Variants in PTPRK observed in about 807,000 individuals in gnomAD.
The protein encoded by PTPRK is protein tyrosine phosphatase receptor type K.
Under a neutral mutation model 178.0 loss-of-function variants are expected in PTPRK, and 75 were observed. The observed-to-expected ratio is 0.42, with a 90% CI of 0.35 to 0.51. The LOEUF (loss-of-function observed/expected upper bound fraction) is 0.51, where lower values mean the gene tolerates loss of function less well. Among genes scored for constraint, PTPRK ranks in the 20% least tolerant of loss-of-function variants. The pLI is 0.02. For missense variants in PTPRK, 1,441 were observed against 1,797.8 expected (o/e 0.80, Z 3.59); for synonymous variants, 637 against 620.6 (o/e 1.03, Z -0.39).
Position 128,067,645 on chromosome 6 carries a change from T to C in PTPRK, c.2031A>G (p.Gly677=). The change falls in exon 12 of 30, where the codon GGA becomes GGG. Residue 677 remains glycine (G), a synonymous_variant. Coordinates refer to ENST00000368226, the MANE Select transcript of PTPRK (RefSeq NM_002844.4). ...TGAACGGGGCAGGCTCAGGTAGGTT[T>C]CCCGGGGGGAGTTCTGCAGCAAAGT... ...PYYFAAELPP[G]NLPEPAPFTV... 6.2e-7 allele frequency: 1 copy of C among 1,613,746 alleles called. No individual in the cohort carries two copies. The highest frequency in any genetic ancestry group is 8.5e-7 in the Non-Finnish European group (1 of 1,179,770).
intron 13 of PTPRK, among the ~76,000 whole-genome samples, chr6:128,038,981 G>T (rs1013264392): frequency 1.3e-5 from 2 of 152,236 alleles, no homozygotes; most frequent in Non-Finnish European, 1.5e-5. Flanking sequence ...TAGTGATAAG[G>T]ATATGGAGAA....
At chr6:128,487,829 C>A (rs571237482) in intron 1 of PTPRK, among the ~76,000 whole-genome samples, 3 of 152,102 alleles carry the variant, frequency 2.0e-5, no homozygotes, top group Non-Finnish European at 2.9e-5. Context: ...GTAATAGGAG[C>A]GGTCAGATGA....
intron 3 of PTPRK, among the ~76,000 whole-genome samples, chr6:128,295,914 G>A (rs916616727): frequency 3.9e-5 from 6 of 152,040 alleles, no homozygotes; most frequent in Admixed American, 3.9e-4. Flanking sequence ...TGTTGAAAAG[G>A]CTAAAAAAGA....
intron 1 of PTPRK, among the ~76,000 whole-genome samples, chr6:128,509,603 C>T (rs1370722354): frequency 1.3e-5 from 2 of 152,066 alleles, no homozygotes; most frequent in Non-Finnish European, 2.9e-5. Context: ...ACTACTTTCA[C>T]ATATATTATT....
intron 5 of PTPRK, among the ~76,000 whole-genome samples, chr6:128,223,909 T>C (rs1330724762): frequency 6.6e-6 from 1 of 152,188 alleles, no homozygotes; most frequent in Non-Finnish European, 1.5e-5. Context: ...ATCCAACAAA[T>C]TGATTATTTA....
chr6:128,330,129 A>G (rs981321938), intron 2 of PTPRK, among the ~76,000 whole-genome samples: 4 of 152,208 alleles, frequency 2.6e-5, no homozygotes, highest in Non-Finnish European at 5.9e-5. Context: ...TAAAGACACT[A>G]TACAATAATA....
chr6:128,017,110 A>G (rs1302134145), intron 13 of PTPRK, among the ~76,000 whole-genome samples: 1 of 151,974 alleles, frequency 6.6e-6, no homozygotes, highest in Non-Finnish European at 1.5e-5. Flanking sequence ...CTAATAAATT[A>G]TCTCTTCATT....
intron 7 of PTPRK, among the ~76,000 whole-genome samples, chr6:128,137,288 T>A (rs540476866): frequency 6.6e-6 from 1 of 152,210 alleles, no homozygotes; most frequent in Non-Finnish European, 1.5e-5. Context: ...TAGGGCAAAC[T>A]TAGCTCTATT....
rs189782348 is a variant in PTPRK, at chr6:128,393,778, C to T, written c.223+3788G>A. Among the ~76,000 whole-genome samples, 546 of 152,206 alleles carry T rather than the reference C, an allele frequency of 3.6e-3. 9 individuals are homozygous for T. The highest frequency in any genetic ancestry group is 5.3e-4 in the Non-Finnish European group (36 of 68,006). On this transcript the variant is annotated intron_variant, in intron 2 of 29. Transcript: ENST00000368226. Reference sequence around the variant, plus strand: ...TTATATCTTTTGTTCTAATCCATGACATTTTATTTATTATTTTAGTTTCCC... The same window carrying T: ...TTATATCTTTTGTTCTAATCCATGATATTTTATTTATTATTTTAGTTTCCC...
At position 128,005,317 on chromosome 6, in the gene PTPRK, G is replaced by A. The variant is rs1778292898; in HGVS notation, c.2334-73C>T. Reference sequence around the variant, plus strand: ...GGAGAGTTAACACCAGCAATAAATAGTCCAGGTGAGCCCGAGGATAATGTT... The same window carrying A: ...GGAGAGTTAACACCAGCAATAAATAATCCAGGTGAGCCCGAGGATAATGTT... On this transcript the variant is annotated intron_variant, in intron 14 of 29. Transcript: ENST00000368226. 7 of 1,442,180 alleles carry A rather than the reference G, an allele frequency of 4.9e-6. No individual in the cohort carries two copies. In the South Asian group the frequency reaches 7.5e-5, roughly 15 times the overall value. 89.3% of individuals were successfully genotyped at this position (1,442,180 alleles called of 1,614,324 possible).
chr6:128,088,398 A>C (rs1409857678), intron 8 of PTPRK, among the ~76,000 whole-genome samples: 1 of 151,434 alleles, frequency 6.6e-6, no homozygotes, highest in Non-Finnish European at 1.5e-5. Context: ...AAAAGAAAAG[A>C]AAAAAAATGT....
intron 13 of PTPRK, among the ~76,000 whole-genome samples, chr6:128,019,683 C>A (rs1373671754): frequency 6.6e-6 from 1 of 152,138 alleles, no homozygotes; most frequent in Non-Finnish European, 1.5e-5. Context: ...TTTGAAGAAT[C>A]ATCACTGAAC....
intron 1 of PTPRK, among the ~76,000 whole-genome samples, chr6:128,433,910 A>G (rs574410258): frequency 5.4e-4 from 82 of 151,620 alleles, no homozygotes; most frequent in African/African-American, 1.9e-3. Flanking sequence ...AGAGAAAGTC[A>G]TAAGTACACA....
chr6:128,451,017 G>C (rs562181446), intron 1 of PTPRK, among the ~76,000 whole-genome samples: 52 of 152,208 alleles, frequency 3.4e-4, no homozygotes, highest in Non-Finnish European at 5.9e-4. Context: ...ATGAGAAAAG[G>C]AGTAAGCCTG....
At chr6:128,210,582 G>A (rs1020469867) in intron 6 of PTPRK, among the ~76,000 whole-genome samples, 2 of 152,096 alleles carry the variant, frequency 1.3e-5, no homozygotes, top group Non-Finnish European at 2.9e-5. Context: ...AGTATACTCG[G>A]AAGAGCTGGC....
In PTPRK at chr6:128,441,427, C is replaced by A. The variant is rs79275936; in HGVS notation, c.101-43739G>T. Among the ~76,000 whole-genome samples the A allele has an allele frequency of 7.7e-4, 117 of 151,836 alleles. No individual in the cohort carries two copies. In the East Asian group the frequency reaches 0.012, roughly 15 times the overall value. On this transcript the variant is annotated intron_variant, in intron 1 of 29. Transcript: ENST00000368226. ...AGATAGTTTAGCCTTGTCTAAAGGT[C>A]TTTGAAGTGCTCTTTTATTAATCAA...
intron 13 of PTPRK, among the ~76,000 whole-genome samples, chr6:128,028,706 T>C (rs1774751942): frequency 6.6e-6 from 1 of 152,236 alleles, no homozygotes; most frequent in South Asian, 2.1e-4. Context: ...GAACATATCC[T>C]ATGTATTTTT....
chr6:128,196,040 C>T (rs1804799004), intron 6 of PTPRK, among the ~76,000 whole-genome samples: 1 of 151,934 alleles, frequency 6.6e-6, no homozygotes, highest in Non-Finnish European at 1.5e-5. Flanking sequence ...ATCCTGATGG[C>T]AATGATATAA....
chr6:128,134,122 G>A (rs901377422), intron 7 of PTPRK, among the ~76,000 whole-genome samples: 25 of 152,096 alleles, frequency 1.6e-4, no homozygotes, highest in Non-Finnish European at 3.1e-4. Context: ...CTATATTTGT[G>A]AGGAAGGATA....
Sources: allele counts gnomAD v4.1 joint callset (sites outside exome capture counted in the v4.1 genomes callset), GRCh38; gene constraint gnomAD v4.1.1; transcripts MANE v1.5; gene names NCBI Gene and HGNC (gene_info 2026-07-23, HGNC 2026-07-21).